The following PZP variants were observed in gnomAD, a reference collection of about 807,000 sequenced individuals.
PZP encodes pregnancy zone protein.
In PZP, 150 loss-of-function variants were observed where a neutral mutation model predicts 179.8. That is an observed-to-expected ratio of 0.83 (90% CI 0.73 to 0.96). PZP has a LOEUF of 0.96. PZP is among the 40% of genes least tolerant of loss of function. The pLI, the probability that PZP is intolerant of heterozygous loss-of-function variation, is 0.00. For synonymous variants in PZP, 624 were observed against 652.3 expected (o/e 0.96, Z 0.66); for missense variants, 1,689 against 1,764.0 (o/e 0.96, Z 0.76).
intron 13 of PZP, among the ~76,000 whole-genome samples, chr12:9,188,109 G>T (rs531947668): frequency 6.6e-6 from 1 of 152,154 alleles, no homozygotes; most frequent in Non-Finnish European, 1.5e-5. Flanking sequence ...GATGAACATT[G>T]ATGCGAAAAT....
the PZP span, among the ~76,000 whole-genome samples, chr12:9,143,438 G>C: frequency 1.3e-5 from 2 of 152,090 alleles, no homozygotes; most frequent in East Asian, 1.9e-4. Flanking sequence ...TGAGGATAGA[G>C]AGGGCATTCA....
At chr12:9,144,179 GAGAGAGAC>G (rs998898957), downstream of PZP, among the ~76,000 whole-genome samples, 3 of 151,264 alleles carry the variant, frequency 2.0e-5, no homozygotes, top group African/African-American at 7.4e-5. Flanking sequence ...GAGAGAGAGA[GAGAGAGAC>G]AGAGAGAGAC....
chr12:9,166,290 G>T, intron 17 of PZP, 88 bp from the exon 18 acceptor site: 1 of 1,327,338 alleles, frequency 7.5e-7, no homozygotes, highest in Non-Finnish European at 1.0e-6. Context: ...AAAATTTTCA[G>T]TTTTCCTGCT....
intron 15 of PZP, among the ~76,000 whole-genome samples, chr12:9,178,491 T>C (rs1942540697): frequency 6.6e-6 from 1 of 152,172 alleles, no homozygotes; most frequent in African/African-American, 2.4e-5. Context: ...AAGTGCTTCC[T>C]TTAGGTGAAA....
At chr12:9,194,416 A>G (rs755954986) in intron 10 of PZP, among the ~76,000 whole-genome samples, 178 bp from the exon 11 acceptor site, 2 of 151,622 alleles carry the variant, frequency 1.3e-5, no homozygotes, top group African/African-American at 2.4e-5. Flanking sequence ...CATGTCCTAC[A>G]TAGCTTATCT....
At chr12:9,151,737 G>T in intron 32 of PZP, 65 bp from the exon 33 acceptor site, 1 of 1,324,898 alleles carries the variant, frequency 7.5e-7, no homozygotes, top group Non-Finnish European at 1.1e-6. Context: ...GTGAGATCTA[G>T]AGCAGATTGT....
chr12:9,142,743 A>G, the PZP span, among the ~76,000 whole-genome samples: 1 of 152,230 alleles, frequency 6.6e-6, no homozygotes, highest in Non-Finnish European at 1.5e-5. Context: ...GAACAGGGCT[A>G]GGAAAATAAT....
chr12:9,189,117 C>T (rs11049343), intron 13 of PZP, among the ~76,000 whole-genome samples: 85,027 of 152,008 alleles, frequency 0.56, 23,819 homozygotes, highest in Admixed American at 0.63. Context: ...AAACTACCAA[C>T]GACATCCTTC....
intron 15 of PZP, among the ~76,000 whole-genome samples, chr12:9,180,509 A>G (rs1431747421): frequency 2.6e-5 from 4 of 152,200 alleles, no homozygotes; most frequent in African/African-American, 9.7e-5. Context: ...ATCTACAACT[A>G]TCTGATCTTC....
intron 13 of PZP, among the ~76,000 whole-genome samples, chr12:9,184,314 A>G (rs1393839367): frequency 6.6e-6 from 1 of 152,112 alleles, no homozygotes; most frequent in Non-Finnish European, 1.5e-5. Context: ...GGCACAAAAC[A>G]CACAAACCCA....
At position 9,158,536 on chromosome 12, in the gene PZP, A is replaced by C. The variant is rs1420390600; in HGVS notation, c.3178T>G (p.Ser1060Ala). The C allele has an allele frequency of 1.2e-6, 2 of 1,614,140 alleles. No homozygotes were observed. Among genetic ancestry groups the C allele is most frequent in the Non-Finnish European group, 1.7e-6 (2 of 1,180,018 alleles). The change falls in exon 26 of 36, where the codon TCC (serine) becomes GCC (alanine). Residue 1060 changes from serine to alanine, a missense_variant. Ser to Ala is a moderately conservative substitution (Grantham distance 99). Around this residue, in one of 3 missense-constraint regions of PZP, gnomAD observed 746 missense variants for 749.2 expected, o/e 1.00. Transcript: ENST00000261336. ...FVLKTFAQAR[S>A]YIFIDEAHIT... ...TGTGCTTCATCAATGAAGATGTAGG[A>C]TCGAGCCTGGGCGAAAGTCTTCAGT...
chr12:9,188,883 C>G (rs998198212), intron 13 of PZP, among the ~76,000 whole-genome samples: 1 of 151,970 alleles, frequency 6.6e-6, no homozygotes, highest in Non-Finnish European at 1.5e-5. Context: ...AGAGATGACA[C>G]AAACAAATGG....
chr12:9,154,737 A>G lies in PZP; in HGVS notation c.3653T>C (p.Val1218Ala). ...PSAEVEMTSY[V>A]LLAYLTAQPA... ...CTGGGCCGTGAGATAAGCGAGGAGC[A>G]CATAGGATGTCATCTCCACCTCAGC... Residue 1218 changes from valine to alanine, a missense_variant, in exon 29 of 36, where the codon GTG (valine) becomes GCG (alanine). Around this residue, in one of 3 missense-constraint regions of PZP, gnomAD observed 746 missense variants for 749.2 expected, o/e 1.00. Transcript: ENST00000261336. The G allele has an allele frequency of 6.2e-7, 1 of 1,614,140 alleles. No homozygotes were observed. The highest frequency in any genetic ancestry group is 8.5e-7 in the Non-Finnish European group (1 of 1,180,038).
the PZP span, among the ~76,000 whole-genome samples, chr12:9,138,749 A>G: frequency 2.0e-5 from 3 of 152,172 alleles, no homozygotes; most frequent in South Asian, 4.1e-4. Context: ...AATTTACACA[A>G]TTCTTCTAGG....
In PZP at chr12:9,157,844, G is replaced by C; in HGVS notation, c.3295-3C>G. 1 of 1,611,512 alleles carries C rather than the reference G, an allele frequency of 6.2e-7. No individual in the cohort carries two copies. The highest frequency in any genetic ancestry group is 8.5e-7 in the Non-Finnish European group (1 of 1,177,732). On this transcript the variant is annotated splice_polypyrimidine_tract_variant and splice_region_variant and intron_variant, in intron 26 of 35. Coordinates refer to ENST00000261336, the MANE Select transcript of PZP (RefSeq NM_002864.3). ...GTCGCTTCATCTTCTACACCTCCCT[G>C]TGAATACAACATTGATTTGATTAAT...
At chr12:9,159,903 C>T in intron 25 of PZP, 35 bp downstream of exon 25, 1 of 1,543,026 alleles carries the variant, frequency 6.5e-7, no homozygotes, top group Non-Finnish European at 9.0e-7. Flanking sequence ...GTTCTGAACT[C>T]ATAGTTGAAA....
chr12:9,198,126 A>G (rs1943941039), intron 7 of PZP, among the ~76,000 whole-genome samples: 1 of 151,006 alleles, frequency 6.6e-6, no homozygotes. Flanking sequence ...GCCAAGAAGG[A>G]TTGCTTGAGG....
rs760841953 is a variant in PZP, at chr12:9,153,219, T to C, written c.3899A>G (p.Asn1300Ser). 2.5e-6 allele frequency: 4 copies of C among 1,614,190 alleles called. No individual in the cohort carries two copies. Among genetic ancestry groups the C allele is most frequent in the Non-Finnish European group, 3.4e-6 (4 of 1,180,006 alleles). Residue 1300 changes from asparagine to serine, a missense_variant, in exon 30 of 36, where the codon AAC becomes AGC. Asn to Ser is a conservative substitution (Grantham distance 46). Coordinates refer to ENST00000261336, the MANE Select transcript of PZP (RefSeq NM_002864.3). Reference protein sequence around the residue: ...QTFSTNFQVDNNNLLLLQQIS... With the variant: ...QTFSTNFQVDSNNLLLLQQIS... ...CTGCTGCAGTAATAGGAGGTTGTTG[T>C]TGTCTACTTGGAAATTTGTAGAAAA...
In PZP at chr12:9,157,178, C is replaced by G; in HGVS notation, c.3547G>C (p.Glu1183Gln). ...TCCCACTTATAAGTGCTCTCACCTT[C>G]TTTCACAGCTTCCTTATCAAGTGAG... ...LNSLDKEAVK[E>Q]DNLVHWERPQ... is the part of the protein sequence containing the mutation. The change falls in exon 28 of 36, where the codon GAA becomes CAA. Residue 1183 changes from glutamate to glutamine, a missense_variant. This residue lies in a region of PZP where 746 missense variants were observed against 749.2 expected (regional missense o/e 1.00). Coordinates refer to ENST00000261336, the MANE Select transcript of PZP (RefSeq NM_002864.3). 1.2e-6 allele frequency: 2 copies of G among 1,612,962 alleles called. No individual in the cohort carries two copies. Among genetic ancestry groups the G allele is most frequent in the Non-Finnish European group, 1.7e-6 (2 of 1,179,232 alleles).
Sources: gnomAD v4.1 joint callset for allele counts (sites outside exome capture counted in the v4.1 genomes callset) on GRCh38, gnomAD v4.1.1 for gene constraint, gnomAD v4.1.1 regional missense constraint, MANE v1.5 for transcripts, NCBI Gene and HGNC (gene_info 2026-07-23, HGNC 2026-07-21) for gene names.